GPR26: variants seen among roughly 807,000 people sequenced by gnomAD.
The protein encoded by GPR26 is G protein-coupled receptor 26.
Under a neutral mutation model 23.1 loss-of-function variants are expected in GPR26, and 15 were observed. The ratio of observed to expected loss-of-function variants is 0.65; its 90% CI spans 0.43 to 1.00. The LOEUF is 1.00. Ranked by LOEUF, GPR26 falls within the 50% of genes least tolerant of loss-of-function variation. GPR26 has a pLI of 0.00. For missense variants in GPR26, 359 were observed against 470.5 expected (o/e 0.76, Z 2.19); for synonymous variants, 228 against 222.1 (o/e 1.03, Z -0.24).
At chr10:123,671,825 T>A (rs1845253092) in intron 1 of GPR26, among the ~76,000 whole-genome samples, 1 of 152,206 alleles carries the variant, frequency 6.6e-6, no homozygotes, top group African/African-American at 2.4e-5. Context: ...AACTTCCCAG[T>A]CCTCAGTGTT....
chr10:123,672,222 T>C (rs1189360895), intron 1 of GPR26, among the ~76,000 whole-genome samples: 1 of 152,186 alleles, frequency 6.6e-6, no homozygotes, highest in African/African-American at 2.4e-5. Flanking sequence ...CCACCTGCAC[T>C]GTACTCCCTG....
chr10:123,669,369 C>T (rs1019613393), intron 1 of GPR26, among the ~76,000 whole-genome samples: 13 of 152,240 alleles, frequency 8.5e-5, no homozygotes, highest in Admixed American at 5.2e-4. Context: ...ACAGCCAGTC[C>T]ACCAGCTTCT....
At chr10:123,678,816 T>TGCCA (rs1459218876) in intron 2 of GPR26, among the ~76,000 whole-genome samples, 5 of 152,234 alleles carry the variant, frequency 3.3e-5, no homozygotes, top group Non-Finnish European at 7.3e-5. Flanking sequence ...GGACATGGAC[T>TGCCA]GCCAGGCTGG....
chr10:123,688,880 A>C lies in GPR26; in HGVS notation c.*720A>C, dbSNP rs138708372. On this transcript the variant is annotated 3_prime_UTR_variant, in exon 3 of 3. Coordinates refer to ENST00000284674, the MANE Select transcript of GPR26 (RefSeq NM_153442.4). Reference sequence around the variant, plus strand: ...ACAATCTTAGCATGAAAATGGTTTAAATAGGCTGGTCCTACATGTATTAGG... The same window carrying C: ...ACAATCTTAGCATGAAAATGGTTTACATAGGCTGGTCCTACATGTATTAGG... 6.6e-6 allele frequency: 1 copy of C among 152,670 alleles called. No individual in the cohort carries two copies. The highest frequency in any genetic ancestry group is 2.4e-5 in the African/African-American group (1 of 41,570). The allele number at this position is 152,670 out of a possible 1,614,324, so 9.5% of individuals were successfully genotyped here.
At position 123,690,822 on chromosome 10, in the gene GPR26, T is replaced by C. The variant is rs1289531684; in HGVS notation, c.*2662T>C. ...CAATTGAATTATCTACCTCATTTTG[T>C]TAATTTAATTTATCAAAGGTAACAT... is the stretch of plus-strand genomic sequence containing the variant. On this transcript the variant is annotated 3_prime_UTR_variant, in exon 3 of 3. Transcript: ENST00000284674. The C allele has an allele frequency of 6.6e-6, 1 of 152,250 alleles. No individual in the cohort carries two copies. The highest frequency in any genetic ancestry group is 1.9e-4 in the East Asian group (1 of 5,200). The allele number at this position is 152,250 out of a possible 1,614,324, so 9.4% of individuals were successfully genotyped here.
chr10:123,670,763 C>G (rs1362491456), intron 1 of GPR26, among the ~76,000 whole-genome samples: 1 of 152,230 alleles, frequency 6.6e-6, no homozygotes, highest in Non-Finnish European at 1.5e-5. Context: ...ACAGATGGCA[C>G]AGTCTATCCT....
chr10:123,666,917 C>A lies in GPR26; in HGVS notation c.510C>A (p.Ala170=). The A allele has an allele frequency of 6.2e-7, 1 of 1,613,270 alleles. No individual in the cohort carries two copies. Among genetic ancestry groups the A allele is most frequent in the South Asian group, 1.1e-5 (1 of 91,068 alleles). ...SRRPDERLRF[A]VFTGAFHALS... ...GGCCAGACGAGCGCCTGCGCTTCGCCGTCTTCACTGGCGCCTTCCACGCTC... is the reference window on the plus strand; with the variant it reads ...GGCCAGACGAGCGCCTGCGCTTCGCAGTCTTCACTGGCGCCTTCCACGCTC... Residue 170 remains alanine (A), a synonymous_variant, in exon 1 of 3, where the codon GCC becomes GCA. Transcript: ENST00000284674.
intron 2 of GPR26, among the ~76,000 whole-genome samples, chr10:123,680,820 G>GT (rs202197972): frequency 0.11 from 3,755 of 33,312 alleles, 275 homozygotes; most frequent in South Asian, 0.24. Context: ...GTTTTGTTTT[G>GT]TTTTTTTGGG....
chr10:123,693,510 T>A lies in GPR26; in HGVS notation c.*5350T>A, dbSNP rs766721851. ...GTGGAGCTTGGCCTCTACGGTCTGT[T>A]CTTGCAGATTCAGGAGAGAAAGTGG... On this transcript the variant is annotated 3_prime_UTR_variant, in exon 3 of 3. Transcript: ENST00000284674. The A allele has an allele frequency of 6.6e-6, 1 of 152,414 alleles. No homozygotes were observed. Among genetic ancestry groups the A allele is most frequent in the Non-Finnish European group, 1.5e-5 (1 of 68,234 alleles). 9.4% of individuals were successfully genotyped at this position (152,414 alleles called of 1,614,324 possible). A position where few individuals can be genotyped will look rare whatever the true frequency, so the allele number is the denominator to read the frequency against.
At chr10:123,686,039 A>G (rs1172722945) in intron 2 of GPR26, among the ~76,000 whole-genome samples, 3 of 152,212 alleles carry the variant, frequency 2.0e-5, no homozygotes, top group African/African-American at 7.2e-5. Flanking sequence ...TTACCTCTTA[A>G]TTATCTAAAT....
chr10:123,686,695 G>A (rs1303671146), intron 2 of GPR26, among the ~76,000 whole-genome samples: 1 of 152,264 alleles, frequency 6.6e-6, no homozygotes, highest in Middle Eastern at 3.4e-3. Flanking sequence ...GTCCTCACCT[G>A]GCCAGATCCC....
rs946321365 is a variant in GPR26 at position 123,693,106 on chromosome 10, T to G, written c.*4946T>G. ...TGTGCTAACACCCATACCCACCAGC[T>G]GGGCGTTGGGACCTCTCCCGTCATA... On this transcript the variant is annotated 3_prime_UTR_variant, in exon 3 of 3. Transcript: ENST00000284674. 4 of 152,310 alleles carry G rather than the reference T, an allele frequency of 2.6e-5. No individual in the cohort carries two copies. Among genetic ancestry groups the G allele is most frequent in the South Asian group, 2.1e-4 (1 of 4,812 alleles). The allele number at this position is 152,310 out of a possible 1,614,324, so 9.4% of individuals were successfully genotyped here.
chr10:123,685,097 CGGA>C lies in GPR26; in HGVS notation c.783-2824_783-2822del, dbSNP rs1845417137. The stretch of plus-strand genomic sequence containing the variant: ...AAAGGCATTAAATAAACTGACAACA[CGGA>C]GGAGGAGAGGCTCCCTTTAGCACAC... On this transcript the variant is annotated intron_variant, in intron 2 of 2. Transcript: ENST00000284674. Among the ~76,000 whole-genome samples, 9 of 152,252 alleles carry C rather than the reference CGGA, an allele frequency of 5.9e-5. No individual in the cohort carries two copies. The South Asian group carries it at 1.9e-3, about 32-fold the overall frequency.
chr10:123,688,132 G>A lies in GPR26; in HGVS notation c.986G>A (p.Ser329Asn). Residue 329 changes from serine (S) to asparagine (N), a missense_variant, in exon 3 of 3, where the codon AGC (serine) becomes AAC (asparagine). Coordinates refer to ENST00000284674, the MANE Select transcript of GPR26 (RefSeq NM_153442.4). Reference sequence around the variant, plus strand: ...TCTGGCCTCACAGGCGACTCTCACAGCCAGAACATTCTGCCGGTGTCTGAG... The same window carrying A: ...TCTGGCCTCACAGGCGACTCTCACAACCAGAACATTCTGCCGGTGTCTGAG... ...HSSGLTGDSH[S>N]QNILPVSE is the part of the protein sequence containing the mutation. 3.3e-6 allele frequency: 5 copies of A among 1,529,366 alleles called. 1 individual carries two copies. The South Asian group carries it at 5.5e-5, about 17-fold the overall frequency. 94.7% of individuals were successfully genotyped at this position (1,529,366 alleles called of 1,614,324 possible).
At chr10:123,673,088 A>G (rs893918979) in intron 1 of GPR26, among the ~76,000 whole-genome samples, 1 of 152,222 alleles carries the variant, frequency 6.6e-6, no homozygotes, top group Non-Finnish European at 1.5e-5. Flanking sequence ...AATTAGTAAT[A>G]TTAGTCATGA....
rs1210799362 is a variant in GPR26 at position 123,666,809 on chromosome 10, G to A, written c.402G>A (p.Ala134=). 1 of 1,607,822 alleles carries A rather than the reference G, an allele frequency of 6.2e-7. No individual in the cohort carries two copies. The highest frequency in any genetic ancestry group is 2.2e-5 in the East Asian group (1 of 44,670). ...TGGTGGCCTACACGTGGCTGCACGC[G>A]CTCACCTTCCCAGCCGCCGCGCTCG... ...ALMVAYTWLH[A]LTFPAAALAL... The change falls in exon 1 of 3, where the codon GCG becomes GCA. Residue 134 remains alanine (A), a synonymous_variant. Transcript: ENST00000284674.
rs1313079533 is a variant in GPR26 at position 123,691,856 on chromosome 10, A to G, written c.*3696A>G. On this transcript the variant is annotated 3_prime_UTR_variant, in exon 3 of 3. Coordinates refer to ENST00000284674, the MANE Select transcript of GPR26 (RefSeq NM_153442.4). ...GACCTGGGTTTCCGCACTTTTAATC[A>G]TCGATGCCCAGGTAACTGATAGGAG... 6.6e-6 allele frequency: 1 copy of G among 152,148 alleles called. No homozygotes were observed. Among genetic ancestry groups the G allele is most frequent in the Non-Finnish European group, 1.5e-5 (1 of 68,024 alleles). 9.4% of individuals were successfully genotyped at this position (152,148 alleles called of 1,614,324 possible).
intron 1 of GPR26, among the ~76,000 whole-genome samples, chr10:123,673,768 A>T (rs1303458238): frequency 5.9e-5 from 9 of 152,312 alleles, no homozygotes; most frequent in Admixed American, 5.9e-4. Flanking sequence ...CTCATGCCAC[A>T]TACTGTGTGC....
In GPR26 at chr10:123,666,755, C is replaced by A; in HGVS notation, c.348C>A (p.Ala116=). 6.2e-7 allele frequency: 1 copy of A among 1,600,964 alleles called. No homozygotes were observed. Among genetic ancestry groups the A allele is most frequent in the South Asian group, 1.1e-5 (1 of 90,040 alleles). ...TGGTCTTCCCGCTGAGCTACCGGGC[C>A]AAGATGCGCCTCCGCGACGCGGCGC... ...VAVVFPLSYR[A]KMRLRDAALM... The change falls in exon 1 of 3, where the codon GCC becomes GCA. Residue 116 remains alanine (A), a synonymous_variant. Transcript: ENST00000284674.
Sources: allele counts gnomAD v4.1 joint callset (sites outside exome capture counted in the v4.1 genomes callset), GRCh38; gene constraint gnomAD v4.1.1; transcripts MANE v1.5; gene names NCBI Gene and HGNC (gene_info 2026-07-23, HGNC 2026-07-21).